Variants in SLC30A6 observed in about 807,000 individuals in gnomAD.
SLC30A6 encodes solute carrier family 30 member 6.
SLC30A6 carries 55 observed loss-of-function variants against 63.0 expected under a neutral mutation model. The ratio of observed to expected loss-of-function variants is 0.87; its 90% CI spans 0.70 to 1.09. The LOEUF (loss-of-function observed/expected upper bound fraction) is 1.09, where lower values mean the gene tolerates loss of function less well. SLC30A6 is among the 50% of genes least tolerant of loss of function. The pLI is 0.00. For missense variants in SLC30A6, 587 were observed against 549.2 expected (o/e 1.07, Z -0.69); for synonymous variants, 224 against 186.1 (o/e 1.20, Z -1.66).
At position 32,221,255 on chromosome 2, in the gene SLC30A6, G is replaced by C. The variant is rs147693192; in HGVS notation, c.*542G>C. On this transcript the variant is annotated 3_prime_UTR_variant, in exon 14 of 14. Coordinates refer to ENST00000282587, the MANE Select transcript of SLC30A6 (RefSeq NM_017964.5). ...GCTCACTGCAACCTCTGCCTCCTGA[G>C]TTCAAATGATTCTCCTGCCTCAGCC... 2,233 of 156,106 alleles carry C rather than the reference G, an allele frequency of 0.014. 17 individuals carry two copies. Among genetic ancestry groups the C allele is most frequent in the Non-Finnish European group, 0.02 (1,392 of 70,624 alleles). The allele number at this position is 156,106 out of a possible 1,614,324, so 9.7% of individuals were successfully genotyped here.
chr2:32,203,222 C>G, intron 10 of SLC30A6: 1 of 1,057,006 alleles, frequency 9.5e-7, no homozygotes, highest in Non-Finnish European at 1.5e-6. Context: ...CTATATCCAT[C>G]GTTCTGGACG....
intron 12 of SLC30A6, among the ~76,000 whole-genome samples, chr2:32,208,127 C>T (rs1265649606): frequency 6.6e-6 from 1 of 151,648 alleles, no homozygotes; most frequent in East Asian, 2.0e-4. Flanking sequence ...CCACCGTGCC[C>T]AGCCTGTTTT....
chr2:32,192,705 AAGAT>A (rs1399821393), intron 6 of SLC30A6, among the ~76,000 whole-genome samples: 2 of 152,206 alleles, frequency 1.3e-5, no homozygotes, highest in Non-Finnish European at 2.9e-5. Flanking sequence ...TTGGCAGAGA[AAGAT>A]AGACATTACA....
chr2:32,184,301 G>T lies in SLC30A6; in HGVS notation c.247G>T (p.Val83Leu). 1 of 1,550,668 alleles carries T rather than the reference G, an allele frequency of 6.4e-7. No individual in the cohort carries two copies. Among genetic ancestry groups the T allele is most frequent in the Non-Finnish European group, 8.7e-7 (1 of 1,145,038 alleles). Residue 83 changes from valine to leucine, a missense_variant, in exon 5 of 14, where the codon GTA becomes TTA. Val to Leu is a conservative substitution (Grantham distance 32, BLOSUM62 1). Coordinates refer to ENST00000282587, the MANE Select transcript of SLC30A6 (RefSeq NM_017964.5). ...AATGACATGTTTAATAAGTTACTGG[G>T]TAACATTGAGGAAACCTAGCCCTGT... ...SLMTCLISYW[V>L]TLRKPSPVYS...
intron 4 of SLC30A6, among the ~76,000 whole-genome samples, chr2:32,177,125 C>T (rs569792862): frequency 6.6e-6 from 1 of 152,156 alleles, no homozygotes; most frequent in Non-Finnish European, 1.5e-5. Flanking sequence ...CTATTACTCT[C>T]CAGTCATTCC....
intron 4 of SLC30A6, among the ~76,000 whole-genome samples, chr2:32,179,504 T>C (rs1196828988): frequency 6.6e-6 from 1 of 152,148 alleles, no homozygotes; most frequent in Admixed American, 6.5e-5. Flanking sequence ...ATTTCCAGAG[T>C]TACTGATTCA....
At chr2:32,201,774 C>G (rs1684314631) in intron 10 of SLC30A6, 1 of 1,354,044 alleles carries the variant, frequency 7.4e-7, no homozygotes, top group East Asian at 2.3e-5. Flanking sequence ...ACAAGATAAG[C>G]TGAAAATACA....
chr2:32,175,052 C>T (rs756796482), intron 3 of SLC30A6, among the ~76,000 whole-genome samples: 3 of 152,002 alleles, frequency 2.0e-5, no homozygotes, highest in Non-Finnish European at 2.9e-5. Flanking sequence ...CAGAAGCAGG[C>T]AGAAAAATGG....
Position 32,206,871 on chromosome 2 carries a change from T to A in SLC30A6, c.769-15T>A. 1 of 1,607,192 alleles carries A rather than the reference T, an allele frequency of 6.2e-7. No individual in the cohort carries two copies. The highest frequency in any genetic ancestry group is 1.1e-5 in the South Asian group (1 of 90,924). The stretch of plus-strand genomic sequence containing the variant: ...CCTTCCCCCATTATTCATATTTTAT[T>A]GTATTTTTCCCCAGACAACACCACC... On this transcript the variant is annotated splice_polypyrimidine_tract_variant and intron_variant, in intron 11 of 13. Transcript: ENST00000282587.
At position 32,220,397 on chromosome 2, in the gene SLC30A6, A is replaced by C. The variant is rs2148920022; in HGVS notation, c.1070A>C (p.His357Pro). ...AANVLNFSDH[H>P]VIPMPLLKGT... The stretch of plus-strand genomic sequence containing the variant: ...AATGTCCTAAACTTTTCAGATCATC[A>C]CGTAATCCCAATGCCTCTTTTAAAG... Residue 357 changes from histidine (H) to proline (P), a missense_variant, in exon 14 of 14, where the codon CAC becomes CCC. Coordinates refer to ENST00000282587, the MANE Select transcript of SLC30A6 (RefSeq NM_017964.5). 6.2e-7 allele frequency: 1 copy of C among 1,614,206 alleles called. No homozygotes were observed. Among genetic ancestry groups the C allele is most frequent in the East Asian group, 2.2e-5 (1 of 44,886 alleles).
chr2:32,205,336 G>T (rs1362147868), intron 11 of SLC30A6, among the ~76,000 whole-genome samples: 1 of 152,142 alleles, frequency 6.6e-6, no homozygotes, highest in Non-Finnish European at 1.5e-5. Flanking sequence ...CAGGAGAATT[G>T]CCTGAACCCG....
intron 13 of SLC30A6, among the ~76,000 whole-genome samples, chr2:32,217,593 T>A (rs1435807001): frequency 6.6e-6 from 1 of 152,178 alleles, no homozygotes; most frequent in Non-Finnish European, 1.5e-5. Context: ...TTTCTACTTC[T>A]ATGAAAAATG....
chr2:32,204,811 A>AT (rs71407425), intron 11 of SLC30A6, 119 bp downstream of exon 11: 89,902 of 182,926 alleles, frequency 0.49, 22,508 homozygotes, highest in African/African-American at 0.6. Context: ...TTTAATTTTA[A>AT]TTTTTTTTTT....
At chr2:32,171,200 A>C in intron 1 of SLC30A6, 87 bp from the exon 2 acceptor site, 1 of 1,043,730 alleles carries the variant, frequency 9.6e-7, no homozygotes, top group Admixed American at 2.0e-5. Flanking sequence ...TTGGTTATTT[A>C]TATCATAGGA....
rs966846850 is a variant in SLC30A6, at chr2:32,220,750, C to T, written c.*37C>T. On this transcript the variant is annotated 3_prime_UTR_variant, in exon 14 of 14. Coordinates refer to ENST00000282587, the MANE Select transcript of SLC30A6 (RefSeq NM_017964.5). The stretch of plus-strand genomic sequence containing the variant: ...TTATTTTTATAAGGAATATTGACTC[C>T]TTGGCTTCCAATTTATTTAGTAATC... 1 of 1,553,208 alleles carries T rather than the reference C, an allele frequency of 6.4e-7. No homozygotes were observed. The highest frequency in any genetic ancestry group is 1.2e-5 in the South Asian group (1 of 82,618).
At chr2:32,195,800 C>T (rs1175829035) in intron 8 of SLC30A6, among the ~76,000 whole-genome samples, 1 of 152,054 alleles carries the variant, frequency 6.6e-6, no homozygotes, top group Non-Finnish European at 1.5e-5. Flanking sequence ...CATCAGCCTC[C>T]CAAAGTGCTG....
At position 32,220,682 on chromosome 2, in the gene SLC30A6, C is replaced by G; in HGVS notation, c.1355C>G (p.Thr452Ser). ...GFTNIPSRYGTNNRIGQPRP is the reference protein window; with the variant it reads ...GFTNIPSRYGSNNRIGQPRP ...ACAAATATACCAAGTAGATATGGAACTAATAATAGAATTGGACAACCAAGA... is the reference window on the plus strand; with the variant it reads ...ACAAATATACCAAGTAGATATGGAAGTAATAATAGAATTGGACAACCAAGA... Residue 452 changes from threonine to serine, a missense_variant, in exon 14 of 14, where the codon ACT becomes AGT. By Grantham distance (58) the Thr-to-Ser change is moderately conservative (BLOSUM62 1). Transcript: ENST00000282587. 6.2e-7 allele frequency: 1 copy of G among 1,613,708 alleles called. No individual in the cohort carries two copies. The highest frequency in any genetic ancestry group is 8.5e-7 in the Non-Finnish European group (1 of 1,179,712).
At chr2:32,170,980 G>A (rs573606680) in intron 1 of SLC30A6, among the ~76,000 whole-genome samples, 4 of 152,226 alleles carry the variant, frequency 2.6e-5, no homozygotes, top group African/African-American at 7.2e-5. Context: ...TTCAGTTCAA[G>A]TTGCCTTATC....
chr2:32,195,058 G>T, intron 8 of SLC30A6, among the ~76,000 whole-genome samples: 1 of 148,328 alleles, frequency 6.7e-6, no homozygotes, highest in South Asian at 2.1e-4. Context: ...ATAATTTTAT[G>T]TGCTTACTTA....
Sources: gnomAD v4.1 joint callset for allele counts (sites outside exome capture counted in the v4.1 genomes callset) on GRCh38, gnomAD v4.1.1 for gene constraint, MANE v1.5 for transcripts, NCBI Gene and HGNC (gene_info 2026-07-23, HGNC 2026-07-21) for gene names.